The following ALDH3A1 variants were observed in gnomAD, a reference collection of about 807,000 sequenced individuals.
The protein encoded by ALDH3A1 is aldehyde dehydrogenase, dimeric NADP-preferring.
In ALDH3A1, 46 loss-of-function variants were observed where a neutral mutation model predicts 49.9. The ratio of observed to expected loss-of-function variants is 0.92; its 90% confidence interval spans 0.73 to 1.18. The LOEUF is 1.18. ALDH3A1 is among the 50% of genes most tolerant of loss of function. The pLI is 0.00. For synonymous variants in ALDH3A1, 269 were observed against 253.3 expected (o/e 1.06, Z -0.59); for missense variants, 592 against 611.8 (o/e 0.97, Z 0.34).
At chr17:19,740,158 G>A in intron 7 of ALDH3A1, 178 bp downstream of exon 7, 1 of 690,494 alleles carries the variant, frequency 1.4e-6, no homozygotes, top group South Asian at 2.3e-5. Flanking sequence ...TGAGGTTGAA[G>A]CAGGGGCTGT....
rs367567625 is a variant in ALDH3A1 at position 19,743,471 on chromosome 17, G to A, written c.163-8C>T. On this transcript the variant is annotated splice_region_variant and splice_polypyrimidine_tract_variant and intron_variant, in intron 2 of 10. Transcript: ENST00000225740. This position sits in a 1 kb window ranked among gnomAD's most constrained non-coding sequence, Gnocchi z 4.4. The stretch of plus-strand genomic sequence containing the variant: ...GTAGGCGTTCCATTCATTCTGCAGC[G>A]ACAGAGCCGGAGTGAGCTTCCAGGG... 186 of 1,584,344 alleles carry A rather than the reference G, an allele frequency of 1.2e-4. No homozygotes were observed. Among genetic ancestry groups the A allele is most frequent in the Non-Finnish European group, 1.5e-4 (176 of 1,162,638 alleles).
In ALDH3A1 at chr17:19,742,299, C is replaced by A. The variant is rs1015855781; in HGVS notation, c.481-87G>T. The A allele has an allele frequency of 1.3e-5, 19 of 1,428,900 alleles. No homozygotes were observed. The South Asian group carries it at 2.0e-4, about 15-fold the overall frequency. The allele number at this position is 1,428,900 out of a possible 1,614,324, so 88.5% of individuals were successfully genotyped here. ...TGTGGGTGAGTTGCAGTGGCCAAGA[C>A]CAGCAGCCCCGAAGCTCAGCACCCC... On this transcript the variant is annotated intron_variant, in intron 4 of 10. Transcript: ENST00000225740.
At chr17:19,741,071 C>T (rs1567651536) in intron 6 of ALDH3A1, 22 bp downstream of exon 6, 1 of 1,597,646 alleles carries the variant, frequency 6.3e-7, no homozygotes, top group South Asian at 1.1e-5. Context: ...TCATCCCACC[C>T]TGCCAAGGGG....
chr17:19,738,272 G>T (rs1171357113), intron 10 of ALDH3A1, 37 bp from the exon 11 acceptor site: 1 of 1,613,930 alleles, frequency 6.2e-7, no homozygotes, highest in African/African-American at 1.3e-5. Flanking sequence ...TGATCCCCAG[G>T]CCCTGGTCCC....
At chr17:19,739,784 G>A (rs939697064) in intron 7 of ALDH3A1, 110 bp from the exon 8 acceptor site, 2 of 1,370,080 alleles carry the variant, frequency 1.5e-6, no homozygotes, top group East Asian at 4.9e-5. Context: ...ACCTGCCCAG[G>A]CTTGGAAAAG....
chr17:19,738,554 G>A (rs1193134169), intron 9 of ALDH3A1, 101 bp from the exon 10 acceptor site: 3 of 1,501,134 alleles, frequency 2.0e-6, no homozygotes, highest in African/African-American at 2.7e-5. Flanking sequence ...CACAGGGACA[G>A]GGAGGCAGAG....
Position 19,744,998 on chromosome 17 carries a change from C to T in ALDH3A1, c.132G>A (p.Leu44=). ...QRLIQEQEQE[L]VGALAADLHK... is the part of the protein sequence containing the mutation. ...GCAGGTCTGCGGCCAGCGCGCCCAC[C>T]AGCTCCTGCTCCTGCTCCTGGATCA... Residue 44 remains leucine (L), a synonymous_variant, in exon 2 of 11, where the codon CTG becomes CTA. Coordinates refer to ENST00000225740, the MANE Select transcript of ALDH3A1 (RefSeq NM_000691.5). The T allele has an allele frequency of 6.3e-7, 1 of 1,588,720 alleles. No individual in the cohort carries two copies. The highest frequency in any genetic ancestry group is 1.3e-5 in the African/African-American group (1 of 74,212).
At chr17:19,739,428 A>T in intron 8 of ALDH3A1, 80 bp downstream of exon 8, 3 of 1,486,384 alleles carry the variant, frequency 2.0e-6, no homozygotes, top group East Asian at 4.8e-5. Context: ...ACACAGCCAG[A>T]GAACAGTGAA....
Position 19,743,098 on chromosome 17 carries a change from A to G in ALDH3A1, c.394+134T>C, listed in dbSNP as rs1199907014. On this transcript the variant is annotated intron_variant, in intron 3 of 10. Coordinates refer to ENST00000225740, the MANE Select transcript of ALDH3A1 (RefSeq NM_000691.5). The surrounding 1 kb of genome is among the most constrained non-coding windows in gnomAD (Gnocchi z 4.4). ...GGCCTGGCTAAACAGCTTGGTCCCC[A>G]CAGCCTCCTGTGACAGACCCAGCAA... The G allele has an allele frequency of 6.5e-7, 1 of 1,536,568 alleles. No individual in the cohort carries two copies. The highest frequency in any genetic ancestry group is 8.7e-7 in the Non-Finnish European group (1 of 1,147,050).
chr17:19,739,803 C>G (rs1263160876), intron 7 of ALDH3A1, 129 bp from the exon 8 acceptor site: 2 of 1,221,822 alleles, frequency 1.6e-6, no homozygotes, highest in Non-Finnish European at 2.2e-6. Context: ...AGGGCAGGGA[C>G]GAGGCCTCAG....
At chr17:19,742,967 T>A (rs1316918759) in intron 3 of ALDH3A1, 1 of 1,525,822 alleles carries the variant, frequency 6.6e-7, no homozygotes, top group East Asian at 2.5e-5. Flanking sequence ...CTGATGCATA[T>A]TAGGTGACAG....
intron 1 of ALDH3A1, among the ~76,000 whole-genome samples, chr17:19,746,480 G>A (rs933729678): frequency 1.3e-5 from 2 of 151,958 alleles, no homozygotes; most frequent in African/African-American, 4.8e-5. Context: ...CAGTGGAAGC[G>A]GTATTTGAAG....
chr17:19,744,910 C>CCCA, intron 2 of ALDH3A1, 58 bp downstream of exon 2: 1 of 1,067,562 alleles, frequency 9.4e-7, no homozygotes, highest in Non-Finnish European at 1.2e-6. Context: ...AGCCCCTCCC[C>CCCA]CCACGCCCCA....
Position 19,743,844 on chromosome 17 carries a change from G to T in ALDH3A1, c.163-381C>A, listed in dbSNP as rs1173368256. On this transcript the variant is annotated intron_variant, in intron 2 of 10. Coordinates refer to ENST00000225740, the MANE Select transcript of ALDH3A1 (RefSeq NM_000691.5). This position sits in a 1 kb window ranked among gnomAD's most constrained non-coding sequence, Gnocchi z 4.4. ...ATCCGGGGAGGGGGGATAGATTCGG[G>T]CACTGGGAGCTGGATCCGGGCAGGG... 3 of 984,044 alleles carry T rather than the reference G, an allele frequency of 3.0e-6. No homozygotes were observed. In the Admixed American group the frequency reaches 1.9e-4, roughly 61 times the overall value. 61.0% of individuals were successfully genotyped at this position (984,044 alleles called of 1,614,324 possible). A position where few individuals can be genotyped will look rare whatever the true frequency, so the allele number is the denominator to read the frequency against.
At chr17:19,739,456 G>A (rs2086448932) in intron 8 of ALDH3A1, 52 bp downstream of exon 8, 2 of 1,568,246 alleles carry the variant, frequency 1.3e-6, no homozygotes, top group East Asian at 2.3e-5. Context: ...TTTGAACCCA[G>A]GTCTGTGGGC....
In ALDH3A1 at chr17:19,738,215, C is replaced by A. The variant is rs2086421248; in HGVS notation, c.*6G>T. On this transcript the variant is annotated 3_prime_UTR_variant, in exon 11 of 11. Transcript: ENST00000225740. ...GTATGGCCAGGCCAGGCGGAGCAAC[C>A]CCTCCTCAGTGCTGGGTCATCTGTG... 18 of 1,613,854 alleles carry A rather than the reference C, an allele frequency of 1.1e-5. No homozygotes were observed. Among genetic ancestry groups the A allele is most frequent in the Non-Finnish European group, 1.5e-5 (18 of 1,180,008 alleles).
In ALDH3A1 at chr17:19,742,024, A is replaced by G; in HGVS notation, c.669T>C (p.Cys223=). Residue 223 remains cysteine, a synonymous_variant, in exon 5 of 11, where the codon TGT becomes TGC. Coordinates refer to ENST00000225740, the MANE Select transcript of ALDH3A1 (RefSeq NM_000691.5). Reference sequence around the variant, plus strand: ...CTCACCGGCAGGCCACGTCCAGGTCACAGTTCTTGTCCACGTAGCAGGGAC... The same window carrying G: ...CTCACCGGCAGGCCACGTCCAGGTCGCAGTTCTTGTCCACGTAGCAGGGAC... ...GKSPCYVDKN[C]DLDVACRRIA... 6.2e-7 allele frequency: 1 copy of G among 1,613,840 alleles called. No individual in the cohort carries two copies. Among genetic ancestry groups the G allele is most frequent in the Non-Finnish European group, 8.5e-7 (1 of 1,180,000 alleles).
intron 1 of ALDH3A1, 97 bp from the exon 2 acceptor site, chr17:19,745,231 G>C (rs1025539193): frequency 7.6e-7 from 1 of 1,319,366 alleles, no homozygotes; most frequent in Non-Finnish European, 1.0e-6. Flanking sequence ...CCCTGGGCTC[G>C]GCCTTGGGGA....
chr17:19,738,795 C>T (rs1186260918), intron 9 of ALDH3A1, among the ~76,000 whole-genome samples: 1 of 152,190 alleles, frequency 6.6e-6, no homozygotes, highest in Non-Finnish European at 1.5e-5. Flanking sequence ...TAGGCCGGTG[C>T]ACCAGGTGAC....
Sources: gnomAD v4.1 joint callset for allele counts (sites outside exome capture counted in the v4.1 genomes callset) on GRCh38, gnomAD v4.1.1 for gene constraint, Gnocchi (gnomAD v3.1) non-coding constraint, MANE v1.5 for transcripts, NCBI Gene and HGNC (gene_info 2026-07-23, HGNC 2026-07-21) for gene names.